Variants in CNTLN observed in about 807,000 individuals in gnomAD.
CNTLN encodes the protein centlein.
In CNTLN, 212 loss-of-function variants were observed where a neutral mutation model predicts 180.0. The ratio of observed to expected loss-of-function variants is 1.18; its 90% CI spans 1.05 to 1.32. The LOEUF is 1.32. Among genes scored for constraint, CNTLN ranks in the 40% most tolerant of loss-of-function variants. The probability of loss-of-function intolerance (pLI) is 0.00; values close to 1 mark genes in which losing one functional copy is unlikely to be tolerated. For synonymous variants in CNTLN, 722 were observed against 563.1 expected (o/e 1.28, Z -3.99); for missense variants, 2,095 against 1,610.9 (o/e 1.30, Z -5.14).
At chr9:17,205,067 A>G (rs1295790885) in intron 2 of CNTLN, among the ~76,000 whole-genome samples, 2 of 152,154 alleles carry the variant, frequency 1.3e-5, no homozygotes. Flanking sequence ...GGTCGACTTC[A>G]GACTGCTGTG....
chr9:17,459,289 T>C (rs1376675663), intron 19 of CNTLN, among the ~76,000 whole-genome samples: 1 of 152,000 alleles, frequency 6.6e-6, no homozygotes, highest in East Asian at 1.9e-4. Flanking sequence ...GTTCTTTGCA[T>C]TATGGTTTTC....
intron 8 of CNTLN, among the ~76,000 whole-genome samples, chr9:17,329,581 A>G (rs1340732278): frequency 1.3e-5 from 2 of 152,016 alleles, no homozygotes; most frequent in African/African-American, 4.8e-5. Flanking sequence ...GAAAAGTGTA[A>G]TAGTATAAAT....
At chr9:17,147,885 C>T (rs533242764) in intron 2 of CNTLN, among the ~76,000 whole-genome samples, 17 of 152,188 alleles carry the variant, frequency 1.1e-4, no homozygotes, top group African/African-American at 1.9e-4. Context: ...TGGTTTCAAC[C>T]GGTTGTGCTA....
chr9:17,179,623 A>G (rs1414409076), intron 2 of CNTLN, among the ~76,000 whole-genome samples: 1 of 152,210 alleles, frequency 6.6e-6, no homozygotes, highest in Non-Finnish European at 1.5e-5. Context: ...TGGGCATTTG[A>G]AAATAATATA....
At chr9:17,353,564 GT>G (rs1404018948) in intron 12 of CNTLN, among the ~76,000 whole-genome samples, 1 of 146,060 alleles carries the variant, frequency 6.8e-6, no homozygotes, top group East Asian at 2.0e-4. Context: ...AAACTGGGTT[GT>G]TTATCTTTTT....
chr9:17,178,328 T>G (rs1300404412), intron 2 of CNTLN, among the ~76,000 whole-genome samples: 1 of 152,198 alleles, frequency 6.6e-6, no homozygotes, highest in Non-Finnish European at 1.5e-5. Flanking sequence ...CCCACCAGAC[T>G]CAGGAGCCCA....
At chr9:17,364,382 T>C (rs2133416582) in intron 12 of CNTLN, among the ~76,000 whole-genome samples, 1 of 152,242 alleles carries the variant, frequency 6.6e-6, no homozygotes, top group Middle Eastern at 3.4e-3. Context: ...ATTGAACCCA[T>C]CCATTGAGTT....
intron 5 of CNTLN, among the ~76,000 whole-genome samples, chr9:17,237,993 A>G (rs184503507): frequency 1.1e-3 from 172 of 152,222 alleles, no homozygotes; most frequent in South Asian, 8.5e-3. Flanking sequence ...GTAAATCAGT[A>G]CTTGTATTAA....
chr9:17,169,083 G>A (rs775955666), intron 2 of CNTLN, among the ~76,000 whole-genome samples: 29 of 152,058 alleles, frequency 1.9e-4, no homozygotes, highest in Non-Finnish European at 1.5e-5. Flanking sequence ...CTGCAGCCTC[G>A]AATCTCTGGG....
chr9:17,313,461 C>T (rs1819343620), intron 8 of CNTLN, among the ~76,000 whole-genome samples: 1 of 151,966 alleles, frequency 6.6e-6, no homozygotes, highest in African/African-American at 2.4e-5. Flanking sequence ...CCTCTAGACC[C>T]ACAGTTTCTG....
chr9:17,346,372 C>T (rs948700532), intron 12 of CNTLN, among the ~76,000 whole-genome samples: 107 of 152,276 alleles, frequency 7.0e-4, no homozygotes, highest in African/African-American at 2.5e-3. Flanking sequence ...GTGATCCAGT[C>T]ACCTCCCACT....
chr9:17,237,701 T>C (rs1825243391), intron 5 of CNTLN, among the ~76,000 whole-genome samples: 3 of 152,010 alleles, frequency 2.0e-5, no homozygotes, highest in Admixed American at 2.0e-4. Context: ...CCTGGCTGGG[T>C]TCAATCCTCC....
At chr9:17,213,348 C>T (rs2131984988) in intron 2 of CNTLN, among the ~76,000 whole-genome samples, 1 of 152,294 alleles carries the variant, frequency 6.6e-6, no homozygotes, top group Admixed American at 6.5e-5. Context: ...TGTTCAGTTT[C>T]CATGTAGTTG....
At chr9:17,164,362 C>CA (rs199644135) in intron 2 of CNTLN, among the ~76,000 whole-genome samples, 2,721 of 83,770 alleles carry the variant, frequency 0.032, 80 homozygotes, top group African/African-American at 0.094. Context: ...TTCATTCTTT[C>CA]AAAAAAAAAA....
chr9:17,403,968 G>GT (rs1013404588), intron 15 of CNTLN, among the ~76,000 whole-genome samples: 9 of 151,600 alleles, frequency 5.9e-5, no homozygotes, highest in African/African-American at 2.2e-4. Flanking sequence ...TAGAGATGGG[G>GT]TTTCACTATT....
intron 3 of CNTLN, among the ~76,000 whole-genome samples, chr9:17,230,415 C>T (rs1824738538): frequency 6.6e-6 from 1 of 151,774 alleles, no homozygotes; most frequent in East Asian, 1.9e-4. Flanking sequence ...AGGAAGCGGT[C>T]TGTAGTGTTA....
At chr9:17,136,911 C>A (rs962595954) in intron 1 of CNTLN, among the ~76,000 whole-genome samples, 2 of 151,908 alleles carry the variant, frequency 1.3e-5, no homozygotes, top group Non-Finnish European at 2.9e-5. Context: ...TACTCTGAGT[C>A]CTAATCTAAG....
intron 25 of CNTLN, among the ~76,000 whole-genome samples, chr9:17,488,879 G>C (rs191080225): frequency 6.6e-6 from 1 of 152,114 alleles, no homozygotes; most frequent in East Asian, 1.9e-4. Context: ...ATGAACACTG[G>C]GAAACCGCTG....
At chr9:17,200,830 T>G (rs1396869223) in intron 2 of CNTLN, among the ~76,000 whole-genome samples, 1 of 152,230 alleles carries the variant, frequency 6.6e-6, no homozygotes, top group Non-Finnish European at 1.5e-5. Flanking sequence ...TATTTATTTC[T>G]TTTGCCTGAT....
Sources: allele counts gnomAD v4.1 joint callset (sites outside exome capture counted in the v4.1 genomes callset), GRCh38; gene constraint gnomAD v4.1.1; transcripts MANE v1.5; gene names NCBI Gene and HGNC (gene_info 2026-07-23, HGNC 2026-07-21).